Variants in MANBAL observed in about 807,000 individuals in gnomAD.
The protein encoded by MANBAL is mannosidase beta like.
Under a neutral mutation model 6.4 loss-of-function variants are expected in MANBAL, and 1 was observed. The observed-to-expected ratio is 0.16, with a 90% CI of 0.06 to 0.74. MANBAL has a LOEUF of 0.74. Among genes scored for constraint, MANBAL ranks in the 30% least tolerant of loss-of-function variants. The pLI, the probability that MANBAL is intolerant of heterozygous loss-of-function variation, is 0.78. For missense variants in MANBAL, 100 were observed against 107.8 expected (o/e 0.93, Z 0.32); for synonymous variants, 47 against 45.8 (o/e 1.03, Z -0.10).
chr20:37,304,464 T>G (rs1687754900), intron 2 of MANBAL, among the ~76,000 whole-genome samples: 1 of 152,234 alleles, frequency 6.6e-6, no homozygotes, highest in Admixed American at 6.5e-5. Flanking sequence ...CCTTTGTTTC[T>G]TTTTGAAAAC....
rs142364039 is a variant in MANBAL at position 37,293,774 on chromosome 20, G to A, written c.-57+4088G>A. On this transcript the variant is annotated intron_variant, in intron 1 of 2. Transcript: ENST00000373606. Reference sequence around the variant, plus strand: ...TGTGGGAAACAACTTATCAGCTAGAGTACAGTGTGTACGTGCAGTTCCTTT... The same window carrying A: ...TGTGGGAAACAACTTATCAGCTAGAATACAGTGTGTACGTGCAGTTCCTTT... Among the ~76,000 whole-genome samples, 23 of 152,362 alleles carry A rather than the reference G, an allele frequency of 1.5e-4. No individual in the cohort carries two copies. In the East Asian group the frequency reaches 4.4e-3, roughly 29 times the overall value.
chr20:37,314,680 G>A (rs1350233475), intron 2 of MANBAL, among the ~76,000 whole-genome samples: 2 of 152,234 alleles, frequency 1.3e-5, no homozygotes, highest in African/African-American at 4.8e-5. Context: ...GCTGGGGAGG[G>A]GAAGCCCTCC....
At chr20:37,307,611 GC>G (rs2069286600) in intron 2 of MANBAL, among the ~76,000 whole-genome samples, 1 of 152,040 alleles carries the variant, frequency 6.6e-6, no homozygotes, top group South Asian at 2.1e-4. Context: ...GCAAAAACTA[GC>G]CAGGCGTGGT....
intron 2 of MANBAL, among the ~76,000 whole-genome samples, chr20:37,313,752 A>G (rs1027982251): frequency 9.2e-5 from 14 of 152,172 alleles, no homozygotes; most frequent in African/African-American, 3.4e-4. Context: ...TAGGGGCCCG[A>G]GGAGGGAGGA....
Position 37,299,783 on chromosome 20 carries a change from G to C in MANBAL, c.-56-1425G>C, listed in dbSNP as rs538389183. ...GCTCAGCCTTAGAGGCAGAGTGGGG[G>C]CTTTGTCAAGCAGTCACAGTGGGAA... On this transcript the variant is annotated intron_variant, in intron 1 of 2. Transcript: ENST00000373606. 3.8e-4 allele frequency among the ~76,000 whole-genome samples: 58 copies of C among 152,370 alleles called. 1 individual carries two copies. The highest frequency in any genetic ancestry group is 1.4e-3 in the African/African-American group (57 of 41,582).
chr20:37,308,736 C>T (rs999905932), intron 2 of MANBAL, among the ~76,000 whole-genome samples: 16 of 151,900 alleles, frequency 1.1e-4, no homozygotes, highest in African/African-American at 3.9e-4. Context: ...CAAGCCTCTT[C>T]CGGATCGATT....
rs533899540 is a variant in MANBAL, at chr20:37,316,495, C to T, written c.*80C>T. On this transcript the variant is annotated 3_prime_UTR_variant, in exon 3 of 3. Transcript: ENST00000373606. Reference sequence around the variant, plus strand: ...CCTGGGAATCTACATTGTGTTCCCCCGCATTCCAGGCTCAGGGTCTGAGGA... The same window carrying T: ...CCTGGGAATCTACATTGTGTTCCCCTGCATTCCAGGCTCAGGGTCTGAGGA... 119 of 1,271,350 alleles carry T rather than the reference C, an allele frequency of 9.4e-5. No individual in the cohort carries two copies. The highest frequency in any genetic ancestry group is 1.0e-4 in the Non-Finnish European group (94 of 905,534). 78.8% of individuals were successfully genotyped at this position (1,271,350 alleles called of 1,614,324 possible).
chr20:37,312,014 A>C (rs548940625), intron 2 of MANBAL, among the ~76,000 whole-genome samples: 1 of 152,196 alleles, frequency 6.6e-6, no homozygotes, highest in African/African-American at 2.4e-5. Context: ...GACAGGTTGG[A>C]TGCTGAGAAC....
At chr20:37,307,822 G>A (rs188425475) in intron 2 of MANBAL, among the ~76,000 whole-genome samples, 2 of 152,182 alleles carry the variant, frequency 1.3e-5, no homozygotes, top group East Asian at 3.9e-4. Context: ...ATGAGTTGCT[G>A]AGTTTTGCAA....
At chr20:37,312,723 A>G (rs1009716995) in intron 2 of MANBAL, among the ~76,000 whole-genome samples, 1 of 152,214 alleles carries the variant, frequency 6.6e-6, no homozygotes, top group Non-Finnish European at 1.5e-5. Context: ...ATAGCGCACT[A>G]CAGCCTCAAA....
chr20:37,312,721 C>G (rs766867695), intron 2 of MANBAL, among the ~76,000 whole-genome samples: 2 of 152,238 alleles, frequency 1.3e-5, no homozygotes, highest in Non-Finnish European at 2.9e-5. Context: ...TCATAGCGCA[C>G]TACAGCCTCA....
intron 1 of MANBAL, among the ~76,000 whole-genome samples, chr20:37,299,652 G>GCAGAA (rs2069086174): frequency 2.6e-5 from 4 of 152,156 alleles, no homozygotes; most frequent in African/African-American, 7.2e-5. Flanking sequence ...ATTGGGATGG[G>GCAGAA]CAGAAGAAAG....
At chr20:37,302,379 C>T in intron 2 of MANBAL, 1 of 1,545,670 alleles carries the variant, frequency 6.5e-7, no homozygotes, top group African/African-American at 1.4e-5. Flanking sequence ...CATCAACAAG[C>T]AGGTGGTGTC....
intron 1 of MANBAL, chr20:37,298,739 C>G (rs945264954): frequency 6.6e-6 from 1 of 151,012 alleles, no homozygotes; most frequent in African/African-American, 2.4e-5. Flanking sequence ...GCTTTCAATT[C>G]AATTTTTTTT....
At chr20:37,305,584 A>G (rs747911531) in intron 2 of MANBAL, among the ~76,000 whole-genome samples, 4 of 152,148 alleles carry the variant, frequency 2.6e-5, no homozygotes, top group Non-Finnish European at 5.9e-5. Flanking sequence ...ATTTAAATAT[A>G]GTACATGACA....
intron 2 of MANBAL, among the ~76,000 whole-genome samples, chr20:37,314,650 G>A (rs1263341876): frequency 1.3e-5 from 2 of 152,270 alleles, no homozygotes; most frequent in East Asian, 1.9e-4. Flanking sequence ...AAGGAATCCA[G>A]CACTGCAGTG....
chr20:37,310,972 G>A (rs1452262495), intron 2 of MANBAL, among the ~76,000 whole-genome samples: 1 of 152,182 alleles, frequency 6.6e-6, no homozygotes, highest in East Asian at 1.9e-4. Flanking sequence ...TGAAGAACTT[G>A]GAGCTACAGG....
At chr20:37,311,916 C>T (rs1245242088) in intron 2 of MANBAL, among the ~76,000 whole-genome samples, 1 of 152,134 alleles carries the variant, frequency 6.6e-6, no homozygotes, top group East Asian at 1.9e-4. Flanking sequence ...CGGCAGGGGA[C>T]CTGGGTCTGA....
At chr20:37,314,587 A>AG (rs2069461948) in intron 2 of MANBAL, among the ~76,000 whole-genome samples, 1 of 152,186 alleles carries the variant, frequency 6.6e-6, no homozygotes, top group Admixed American at 6.5e-5. Flanking sequence ...TAAACAGAGT[A>AG]GGGGGACCTT....
Sources: gnomAD v4.1 joint callset for allele counts (sites outside exome capture counted in the v4.1 genomes callset) on GRCh38, gnomAD v4.1.1 for gene constraint, MANE v1.5 for transcripts, NCBI Gene and HGNC (gene_info 2026-07-23, HGNC 2026-07-21) for gene names.